DPY19L4: variants seen among roughly 807,000 people sequenced by gnomAD.
DPY19L4 encodes dpy-19 like 4.
Under a neutral mutation model 102.8 loss-of-function variants are expected in DPY19L4, and 97 were observed. The observed-to-expected ratio is 0.94, with a 90% CI of 0.80 to 1.12. The LOEUF (loss-of-function observed/expected upper bound fraction) is 1.12. DPY19L4 is among the 50% of genes most tolerant of loss of function. The pLI is 0.00. For synonymous variants in DPY19L4, 252 were observed against 283.1 expected (o/e 0.89, Z 1.10); for missense variants, 815 against 850.4 (o/e 0.96, Z 0.52).
At chr8:94,742,710 C>T (rs1447574271) in intron 6 of DPY19L4, among the ~76,000 whole-genome samples, 1 of 151,930 alleles carries the variant, frequency 6.6e-6, no homozygotes, top group Non-Finnish European at 1.5e-5. Context: ...AGGCACATGC[C>T]ACAATGCCCA....
chr8:94,786,529 G>A (rs1260353164), intron 17 of DPY19L4, among the ~76,000 whole-genome samples: 1 of 151,876 alleles, frequency 6.6e-6, no homozygotes, highest in Admixed American at 6.6e-5. Flanking sequence ...ATATCTGAAA[G>A]CAATGATGAA....
At chr8:94,754,330 G>T (rs537510495) in intron 6 of DPY19L4, among the ~76,000 whole-genome samples, 12 of 152,276 alleles carry the variant, frequency 7.9e-5, no homozygotes, top group African/African-American at 2.9e-4. Context: ...TGAAGTATGT[G>T]TTTGTTTCTT....
chr8:94,720,147 G>C, intron 1 of DPY19L4, 133 bp downstream of exon 1: 1 of 1,384,908 alleles, frequency 7.2e-7, no homozygotes. Context: ...AGGGCGGGAA[G>C]GAGCGCGGCG....
intron 5 of DPY19L4, 53 bp downstream of exon 5, chr8:94,739,587 C>T: frequency 1.2e-6 from 2 of 1,601,336 alleles, no homozygotes. Context: ...ATTCATGAAT[C>T]CTCAAATTAT....
chr8:94,727,124 A>G (rs1810724104), intron 2 of DPY19L4, among the ~76,000 whole-genome samples: 1 of 152,208 alleles, frequency 6.6e-6, no homozygotes, highest in Admixed American at 6.5e-5. Flanking sequence ...AAGACAGGTT[A>G]TCTGTTTTAT....
chr8:94,739,339 T>C, intron 4 of DPY19L4, 74 bp from the exon 5 acceptor site: 1 of 1,450,310 alleles, frequency 6.9e-7, no homozygotes, highest in Non-Finnish European at 9.1e-7. Context: ...ATATTAAATA[T>C]TTAAGGACTA....
At position 94,726,375 on chromosome 8, in the gene DPY19L4, G is replaced by C; in HGVS notation, c.61G>C (p.Glu21Gln). The change falls in exon 2 of 19, where the codon GAA (glutamate) becomes CAA (glutamine). Residue 21 changes from glutamate (E) to glutamine (Q), a missense_variant. Physicochemically the swap from Glu to Gln is conservative, Grantham distance 29 (BLOSUM62 2). Transcript: ENST00000414645. ...CCAAAGAAAAAAGCCAAAGTCTTCA[G>C]AAAATAAGGAATCTGCCAAAGAAGA... The part of the protein sequence containing the change: ...LRQRKKPKSS[E>Q]NKESAKEEKI... 3 of 1,612,210 alleles carry C rather than the reference G, an allele frequency of 1.9e-6. No individual in the cohort carries two copies. Among genetic ancestry groups the C allele is most frequent in the Non-Finnish European group, 2.5e-6 (3 of 1,179,562 alleles).
At chr8:94,720,999 T>A (rs1239823560) in intron 1 of DPY19L4, among the ~76,000 whole-genome samples, 3 of 151,712 alleles carry the variant, frequency 2.0e-5, no homozygotes, top group African/African-American at 7.3e-5. Context: ...CAGTCTAGAG[T>A]GCAAAGGCGC....
intron 11 of DPY19L4, among the ~76,000 whole-genome samples, chr8:94,768,073 G>A (rs74529672): frequency 0.042 from 6,399 of 152,030 alleles, 160 homozygotes; most frequent in African/African-American, 0.053. Flanking sequence ...GAGGTTAGCC[G>A]GCCGAATTGT....
At chr8:94,751,340 G>A (rs983056100) in intron 6 of DPY19L4, among the ~76,000 whole-genome samples, 2 of 150,850 alleles carry the variant, frequency 1.3e-5, no homozygotes, top group Non-Finnish European at 3.0e-5. Context: ...GGATGGTCTC[G>A]ATCTCTTGAC....
intron 11 of DPY19L4, 35 bp downstream of exon 11, chr8:94,766,720 A>G: frequency 6.4e-7 from 1 of 1,552,962 alleles, no homozygotes. Flanking sequence ...ACCTAAATCG[A>G]TACCACTTAG....
At position 94,728,150 on chromosome 8, in the gene DPY19L4, C is replaced by T. The variant is rs185765168; in HGVS notation, c.127+1709C>T. On this transcript the variant is annotated intron_variant, in intron 2 of 18. Transcript: ENST00000414645. ...TTAATTTTTGTATTTTTAGTAGAAA[C>T]GGGGTTTCACCATGTTGGCCAGGCT... Among the ~76,000 whole-genome samples the T allele has an allele frequency of 5.1e-3, 782 of 152,190 alleles. 37 individuals carry two copies. The highest frequency in any genetic ancestry group is 0.045 in the Admixed American group (690 of 15,288).
Position 94,720,982 on chromosome 8 carries a change from T to A in DPY19L4, c.16+968T>A, listed in dbSNP as rs1223503102. Among the ~76,000 whole-genome samples, 3 of 152,168 alleles carry A rather than the reference T, an allele frequency of 2.0e-5. No individual in the cohort carries two copies. The East Asian group carries it at 5.8e-4, about 29-fold the overall frequency. ...TTTTTTTGAAACGGAGTTTCGTTCTTGTTGCCCAGTCTAGAGTGCAAAGGC... is the reference window on the plus strand; with the variant it reads ...TTTTTTTGAAACGGAGTTTCGTTCTAGTTGCCCAGTCTAGAGTGCAAAGGC... On this transcript the variant is annotated intron_variant, in intron 1 of 18. Transcript: ENST00000414645.
chr8:94,742,732 T>C (rs139462409), intron 6 of DPY19L4, among the ~76,000 whole-genome samples: 3,909 of 151,948 alleles, frequency 0.026, 172 homozygotes, highest in African/African-American at 0.089. Context: ...CTAATTTTTT[T>C]GTATTTTTAG....
At chr8:94,722,923 G>A (rs1270549113) in intron 1 of DPY19L4, among the ~76,000 whole-genome samples, 1 of 152,128 alleles carries the variant, frequency 6.6e-6, no homozygotes, top group African/African-American at 2.4e-5. Flanking sequence ...AGAGGGCCAG[G>A]GTGTTTATAT....
At chr8:94,758,897 G>A (rs755955951) in intron 7 of DPY19L4, among the ~76,000 whole-genome samples, 5 of 152,016 alleles carry the variant, frequency 3.3e-5, no homozygotes, top group Non-Finnish European at 7.4e-5. Context: ...ACCACACCCA[G>A]CTAATTTTTG....
In DPY19L4 at chr8:94,737,559, G is replaced by A. The variant is rs575252637; in HGVS notation, c.253-810G>A. Among the ~76,000 whole-genome samples the A allele has an allele frequency of 1.5e-3, 231 of 152,036 alleles. 1 individual carries two copies. Among genetic ancestry groups the A allele is most frequent in the Non-Finnish European group, 2.4e-4 (16 of 67,968 alleles). On this transcript the variant is annotated intron_variant, in intron 3 of 18. Coordinates refer to ENST00000414645, the MANE Select transcript of DPY19L4 (RefSeq NM_181787.3). ...AACACTTTAGGAGGCCGAGGTGGGC[G>A]GATCACGAGGTCAGGAGATTGAGAC...
At chr8:94,730,241 C>A (rs992059648) in intron 2 of DPY19L4, among the ~76,000 whole-genome samples, 1 of 152,058 alleles carries the variant, frequency 6.6e-6, no homozygotes, top group Non-Finnish European at 1.5e-5. Flanking sequence ...AATGAAGGGA[C>A]TGGGGCACAT....
rs187009104 is a variant in DPY19L4 at position 94,763,236 on chromosome 8, C to T, written c.870+1402C>T. On this transcript the variant is annotated intron_variant, in intron 8 of 18. Coordinates refer to ENST00000414645, the MANE Select transcript of DPY19L4 (RefSeq NM_181787.3). ...CTTTGGAATTACAGGTGTGAGCCAC[C>T]GCACCTGGCCAAGGTATCTTTTTTT... Among the ~76,000 whole-genome samples, 7 of 149,872 alleles carry T rather than the reference C, an allele frequency of 4.7e-5. No individual in the cohort carries two copies. The East Asian group carries it at 1.4e-3, about 29-fold the overall frequency.
Sources: allele counts gnomAD v4.1 joint callset (sites outside exome capture counted in the v4.1 genomes callset), GRCh38; gene constraint gnomAD v4.1.1; transcripts MANE v1.5; gene names NCBI Gene and HGNC (gene_info 2026-07-23, HGNC 2026-07-21).